The following SMCO2 variants were observed in gnomAD, a reference collection of about 807,000 sequenced individuals.
SMCO2 encodes single-pass membrane and coiled-coil domain-containing protein 2.
In SMCO2, 25 loss-of-function variants were observed where a neutral mutation model predicts 29.5. The ratio of observed to expected loss-of-function variants is 0.85; its 90% confidence interval spans 0.62 to 1.18. The LOEUF is 1.18. Among genes scored for constraint, SMCO2 ranks in the 50% most tolerant of loss-of-function variants. The probability of loss-of-function intolerance (pLI) is 0.00; values close to 1 mark genes in which losing one functional copy is unlikely to be tolerated. For synonymous variants in SMCO2, 117 were observed against 123.3 expected (o/e 0.95, Z 0.34); for missense variants, 348 against 344.5 (o/e 1.01, Z -0.08).
chr12:27,486,819 G>T (rs1260322446), intron 4 of SMCO2, among the ~76,000 whole-genome samples: 1 of 152,196 alleles, frequency 6.6e-6, no homozygotes, highest in Non-Finnish European at 1.5e-5. Context: ...CCAAAAACTA[G>T]AAGGTAAATA....
chr12:27,448,140 A>C, the SMCO2 span, among the ~76,000 whole-genome samples: 1 of 152,162 alleles, frequency 6.6e-6, no homozygotes, highest in East Asian at 1.9e-4. Context: ...CCGGTTAGAA[A>C]ATTTTGGACT....
chr12:27,485,586 G>A (rs1453095413), intron 4 of SMCO2, among the ~76,000 whole-genome samples: 1 of 151,598 alleles, frequency 6.6e-6, no homozygotes, highest in Non-Finnish European at 1.5e-5. Flanking sequence ...GGGATTATAG[G>A]CACGTGCCAC....
At chr12:27,496,011 G>A (rs1230437004) in intron 7 of SMCO2, among the ~76,000 whole-genome samples, 156 bp downstream of exon 8, 1 of 150,090 alleles carries the variant, frequency 6.7e-6, no homozygotes, top group Non-Finnish European at 1.5e-5. Flanking sequence ...GAGTTCATTG[G>A]AGTCATGGGA....
chr12:27,477,182 TG>T (rs563827143), intron 4 of SMCO2, among the ~76,000 whole-genome samples: 37 of 151,644 alleles, frequency 2.4e-4, no homozygotes, highest in Admixed American at 4.6e-4. Flanking sequence ...AAGATAGTTT[TG>T]CTGGGTATAG....
At chr12:27,438,443 A>G in the SMCO2 span, among the ~76,000 whole-genome samples, 4 of 152,176 alleles carry the variant, frequency 2.6e-5, no homozygotes, top group Non-Finnish European at 5.9e-5. Context: ...TCCAGGGAGA[A>G]CTTAACCTCA....
At position 27,488,452 on chromosome 12, in the gene SMCO2, G is replaced by A. The variant is rs1592215059; in HGVS notation, c.363-8G>A. 6.6e-7 allele frequency: 1 copy of A among 1,521,268 alleles called. No individual in the cohort carries two copies. The allele number at this position is 1,521,268 out of a possible 1,614,324, so 94.2% of individuals were successfully genotyped here. On this transcript the variant is annotated splice_region_variant and splice_polypyrimidine_tract_variant and intron_variant, in intron 4 of 7. Transcript: ENST00000298876. ...TCTGCAGGCCTTAGTATCTTGGTCT[G>A]TTTGCAGCTTATTAAAAGACATGCT...
At chr12:27,433,439 A>G in the SMCO2 span, among the ~76,000 whole-genome samples, 12 of 152,082 alleles carry the variant, frequency 7.9e-5, no homozygotes, top group African/African-American at 2.9e-4. Flanking sequence ...GCTACCTCTA[A>G]GTCAAATAAG....
the SMCO2 span, among the ~76,000 whole-genome samples, chr12:27,455,339 A>G: frequency 7.2e-5 from 11 of 152,362 alleles, no homozygotes; most frequent in East Asian, 2.1e-3. Flanking sequence ...TATTACTATT[A>G]CAAATAGAAT....
At chr12:27,462,699 A>T (rs1443068538), upstream of SMCO2, among the ~76,000 whole-genome samples, 1 of 152,240 alleles carries the variant, frequency 6.6e-6, no homozygotes, top group African/African-American at 2.4e-5. Context: ...AGGCACATTC[A>T]AACCAGAGTA....
At chr12:27,492,434 A>C (rs1279049242) in intron 5 of SMCO2, among the ~76,000 whole-genome samples, 1 of 152,218 alleles carries the variant, frequency 6.6e-6, no homozygotes, top group African/African-American at 2.4e-5. Flanking sequence ...ATGGTGGCTC[A>C]TGCCTGTAAT....
the SMCO2 span, among the ~76,000 whole-genome samples, chr12:27,454,607 G>T: frequency 2.6e-5 from 4 of 152,042 alleles, no homozygotes; most frequent in Non-Finnish European, 5.9e-5. Flanking sequence ...TTAAGTTCTG[G>T]GATACATGTG....
the SMCO2 span, among the ~76,000 whole-genome samples, chr12:27,426,741 C>T: frequency 6.6e-6 from 1 of 152,090 alleles, no homozygotes; most frequent in African/African-American, 2.4e-5. Context: ...TTAAGCCTTG[C>T]AAAAGTTTAA....
In SMCO2 at chr12:27,495,097, A is replaced by T. The variant is rs139848893; in HGVS notation, c.508-583A>T. On this transcript the variant is annotated intron_variant, in intron 6 of 7. Coordinates refer to ENST00000298876, the Ensembl canonical transcript of SMCO2. The stretch of plus-strand genomic sequence containing the variant: ...TGTGATTGGGCAAATGAGACAATGA[A>T]AGAATGAATGTATCAACCTGTCAGC... Among the ~76,000 whole-genome samples the T allele has an allele frequency of 3.5e-4, 54 of 152,296 alleles. 1 individual carries two copies. The highest frequency in any genetic ancestry group is 1.2e-3 in the African/African-American group (49 of 41,570).
upstream of SMCO2, among the ~76,000 whole-genome samples, chr12:27,463,170 A>G (rs1949471696): frequency 6.6e-6 from 1 of 152,224 alleles, no homozygotes; most frequent in African/African-American, 2.4e-5. Context: ...AGATGCGACT[A>G]TGAGGATGCC....
At chr12:27,501,428 A>AC (rs1438861361) in intron 7 of SMCO2, among the ~76,000 whole-genome samples, 14 of 146,326 alleles carry the variant, frequency 9.6e-5, no homozygotes, top group African/African-American at 3.5e-4. Context: ...AAAAAAAAAA[A>AC]AAAAAAAAAC....
chr12:27,435,551 C>CA, the SMCO2 span, among the ~76,000 whole-genome samples: 1 of 150,328 alleles, frequency 6.7e-6, no homozygotes, highest in Non-Finnish European at 1.5e-5. Flanking sequence ...CTCTCCCCCC[C>CA]ATCCCCCATC....
the SMCO2 span, among the ~76,000 whole-genome samples, chr12:27,458,742 C>A: frequency 6.6e-6 from 1 of 151,854 alleles, no homozygotes; most frequent in African/African-American, 2.4e-5. Flanking sequence ...CAAAAATTAG[C>A]CGGGCATGGT....
chr12:27,437,431 G>C, the SMCO2 span, among the ~76,000 whole-genome samples: 1 of 152,022 alleles, frequency 6.6e-6, no homozygotes, highest in African/African-American at 2.4e-5. Flanking sequence ...AAGCAATACA[G>C]GTGAAAGCAA....
chr12:27,476,011 C>T (rs994933956), intron 4 of SMCO2, among the ~76,000 whole-genome samples: 1 of 152,178 alleles, frequency 6.6e-6, no homozygotes, highest in African/African-American at 2.4e-5. Context: ...TTGCTGTAAA[C>T]TTACCTCTTT....
Sources: allele counts gnomAD v4.1 joint callset (sites outside exome capture counted in the v4.1 genomes callset), GRCh38; gene constraint gnomAD v4.1.1; transcripts MANE v1.5; gene names NCBI Gene and HGNC (gene_info 2026-07-23, HGNC 2026-07-21).